PCLO: variants seen among roughly 807,000 people sequenced by gnomAD.
The protein encoded by PCLO is protein piccolo.
In PCLO, 82 loss-of-function variants were observed where a neutral mutation model predicts 427.5. The observed-to-expected ratio is 0.19, with a 90% confidence interval of 0.16 to 0.23. The LOEUF (loss-of-function observed/expected upper bound fraction) is 0.23, where lower values mean the gene tolerates loss of function less well. PCLO is among the 10% of genes least tolerant of loss of function. The pLI, the probability that PCLO is intolerant of heterozygous loss-of-function variation, is 1.00. For synonymous variants in PCLO, 2,357 were observed against 2,155.4 expected, an observed-to-expected ratio of 1.09 and a Z score of -2.59; for missense variants, 6,239 against 6,115.9, an observed-to-expected ratio of 1.02 and a Z score of -0.67.
At chr7:82,943,352 C>A (rs1795127106) in intron 6 of PCLO, among the ~76,000 whole-genome samples, 1 of 151,948 alleles carries the variant, frequency 6.6e-6, no homozygotes, top group African/African-American at 2.4e-5. Context: ...ACTTTTAAGG[C>A]CACAGAGAGG....
In PCLO at chr7:82,949,581, A is replaced by C. The variant is rs1380243362; in HGVS notation, c.11007T>G (p.Pro3669=). ...AACGCTGCATCATCTTGGCTGTCTT[A>C]GGACTTGCTGGGGGAACTTTAGCCA... ...PDMAKVPPAS[P]KTAKMMQRSM... is the part of the protein sequence containing the mutation. Residue 3669 remains proline, a synonymous_variant, in exon 6 of 25, where the codon CCT becomes CCG. Coordinates refer to ENST00000333891, the MANE Select transcript of PCLO (RefSeq NM_033026.6). 2.5e-6 allele frequency: 4 copies of C among 1,613,802 alleles called. No homozygotes were observed. The highest frequency in any genetic ancestry group is 1.1e-5 in the South Asian group (1 of 91,088).
chr7:83,115,702 G>T (rs930155208), intron 3 of PCLO, among the ~76,000 whole-genome samples: 4 of 151,976 alleles, frequency 2.6e-5, no homozygotes, highest in Non-Finnish European at 5.9e-5. Flanking sequence ...GAGATTGGAG[G>T]TTATTTTTAT....
intron 16 of PCLO, among the ~76,000 whole-genome samples, chr7:82,830,229 T>G (rs141864829): frequency 3.2e-4 from 49 of 152,046 alleles, no homozygotes; most frequent in Admixed American, 3.1e-3. Context: ...CACAGGTATT[T>G]GTTAGGGTAT....
chr7:83,112,034 G>GT (rs11375069), intron 3 of PCLO, among the ~76,000 whole-genome samples: 47,177 of 151,514 alleles, frequency 0.31, 8,198 homozygotes, highest in East Asian at 0.62. Flanking sequence ...AAATGTCTGG[G>GT]TTTTTTTGTT....
chr7:83,045,327 G>A (rs972325073), intron 3 of PCLO, among the ~76,000 whole-genome samples: 5 of 152,048 alleles, frequency 3.3e-5, no homozygotes, highest in South Asian at 2.1e-4. Context: ...GTTTTTCCAC[G>A]AATGCACTTT....
chr7:82,844,232 C>A (rs1440538667), intron 13 of PCLO, among the ~76,000 whole-genome samples: 1 of 151,910 alleles, frequency 6.6e-6, no homozygotes, highest in Non-Finnish European at 1.5e-5. Context: ...CAAAATAGAG[C>A]CTCTATAAAG....
chr7:83,127,537 C>T (rs1305276785), intron 3 of PCLO, among the ~76,000 whole-genome samples: 1 of 151,950 alleles, frequency 6.6e-6, no homozygotes, highest in Non-Finnish European at 1.5e-5. Context: ...AGAAAGAATA[C>T]TACTTTTGGA....
At chr7:83,152,947 T>C (rs1485273352) in intron 2 of PCLO, among the ~76,000 whole-genome samples, 2 of 152,172 alleles carry the variant, frequency 1.3e-5, no homozygotes, top group Non-Finnish European at 2.9e-5. Flanking sequence ...GGTATTCAAA[T>C]AATAACTGTC....
At chr7:83,059,134 A>C (rs1329570287) in intron 3 of PCLO, among the ~76,000 whole-genome samples, 1 of 150,362 alleles carries the variant, frequency 6.7e-6, no homozygotes, top group Non-Finnish European at 1.5e-5. Flanking sequence ...AGTATATACT[A>C]TATACTATAC....
intron 3 of PCLO, among the ~76,000 whole-genome samples, chr7:83,018,962 T>A (rs1174308985): frequency 6.6e-6 from 1 of 152,010 alleles, no homozygotes; most frequent in Non-Finnish European, 1.5e-5. Context: ...AAATACCTTT[T>A]TGGAAGATAA....
Position 82,916,778 on chromosome 7 carries a change from A to G in PCLO, c.11208T>C (p.Thr3736=). ...NPPPEEISTG[T]QSTFSTMGTV... ...TGCCCATTGTGCTGAATGTGGATTG[A>G]GTTCCTGTGGAAATCTCCTCAGGAG... is the stretch of plus-strand genomic sequence containing the variant. The change falls in exon 7 of 25, where the codon ACT becomes ACC. Residue 3736 remains threonine, a synonymous_variant. Transcript: ENST00000333891. The G allele has an allele frequency of 6.2e-7, 1 of 1,613,624 alleles. No homozygotes were observed. Among genetic ancestry groups the G allele is most frequent in the Non-Finnish European group, 8.5e-7 (1 of 1,179,702 alleles).
At chr7:83,054,302 A>G (rs1334499172) in intron 3 of PCLO, among the ~76,000 whole-genome samples, 11 of 152,064 alleles carry the variant, frequency 7.2e-5, no homozygotes, top group Admixed American at 7.2e-4. Flanking sequence ...ACAGACACAA[A>G]ATGATCCTAA....
At chr7:82,991,907 G>A (rs1796385294) in intron 3 of PCLO, among the ~76,000 whole-genome samples, 1 of 151,882 alleles carries the variant, frequency 6.6e-6, no homozygotes, top group Admixed American at 6.6e-5. Flanking sequence ...CTATTTTATG[G>A]CATTATCCTG....
At chr7:82,999,336 CAT>C (rs888425650) in intron 3 of PCLO, among the ~76,000 whole-genome samples, 68 of 126,572 alleles carry the variant, frequency 5.4e-4, no homozygotes, top group African/African-American at 2.1e-3. Context: ...TAAATATATC[CAT>C]ATATATTTAA....
chr7:82,823,602 A>C (rs1791853500), intron 19 of PCLO, among the ~76,000 whole-genome samples: 1 of 152,148 alleles, frequency 6.6e-6, no homozygotes, highest in Admixed American at 6.6e-5. Flanking sequence ...TTTGAATGAG[A>C]GTGCTGTACA....
At chr7:82,935,950 G>A (rs1436256469) in intron 6 of PCLO, among the ~76,000 whole-genome samples, 1 of 151,666 alleles carries the variant, frequency 6.6e-6, no homozygotes, top group African/African-American at 2.4e-5. Flanking sequence ...CTAATGTAAA[G>A]TAAGAAAGCA....
intron 3 of PCLO, among the ~76,000 whole-genome samples, chr7:82,998,752 T>C (rs1787698474): frequency 1.3e-5 from 2 of 151,776 alleles, no homozygotes; most frequent in Admixed American, 6.6e-5. Context: ...CAATACATCA[T>C]ATCCAGCTAT....
chr7:82,921,761 A>G (rs141511934), intron 6 of PCLO, among the ~76,000 whole-genome samples: 29 of 152,042 alleles, frequency 1.9e-4, no homozygotes, highest in African/African-American at 6.0e-4. Context: ...CTAACTAAAG[A>G]GCTTCTGCAC....
At chr7:82,959,194 G>A (rs1266450594) in intron 4 of PCLO, among the ~76,000 whole-genome samples, 1 of 152,108 alleles carries the variant, frequency 6.6e-6, no homozygotes, top group African/African-American at 2.4e-5. Context: ...AGCCTCCCGA[G>A]TAGCTGGGAT....
Sources: allele counts gnomAD v4.1 joint callset (sites outside exome capture counted in the v4.1 genomes callset), GRCh38; gene constraint gnomAD v4.1.1; transcripts MANE v1.5; gene names NCBI Gene and HGNC (gene_info 2026-07-23, HGNC 2026-07-21).